The following NDUFS4 variants were observed in gnomAD, a reference collection of about 807,000 sequenced individuals.
NDUFS4 encodes NADH:ubiquinone oxidoreductase subunit S4, also known as NADH dehydrogenase [ubiquinone] iron-sulfur protein 4, mitochondrial.
NDUFS4 carries 28 observed loss-of-function variants against 24.3 expected under a neutral mutation model. The observed-to-expected ratio is 1.15, with a 90% CI of 0.85 to 1.58. NDUFS4 has a LOEUF of 1.58. NDUFS4 is among the 40% of genes most tolerant of loss of function. NDUFS4 has a pLI of 0.00. For missense variants in NDUFS4, 223 were observed against 207.9 expected (o/e 1.07, Z -0.45); for synonymous variants, 93 against 69.7 (o/e 1.34, Z -1.67).
intron 4 of NDUFS4, among the ~76,000 whole-genome samples, chr5:53,679,117 C>G (rs1740569813): frequency 6.6e-6 from 1 of 152,118 alleles, no homozygotes; most frequent in East Asian, 1.9e-4. Context: ...TGGATTCTTA[C>G]TTTAGTTTTA....
chr5:53,604,023 A>T (rs1750419298), intron 2 of NDUFS4, among the ~76,000 whole-genome samples: 1 of 152,192 alleles, frequency 6.6e-6, no homozygotes, highest in African/African-American at 2.4e-5. Flanking sequence ...CAACTAGCAA[A>T]CAACTAGCAA....
chr5:53,624,853 T>A (rs1751167830), intron 2 of NDUFS4, among the ~76,000 whole-genome samples: 1 of 152,220 alleles, frequency 6.6e-6, no homozygotes, highest in Non-Finnish European at 1.5e-5. Flanking sequence ...CTTCCAGTAC[T>A]ACATTGAATA....
intron 1 of NDUFS4, among the ~76,000 whole-genome samples, chr5:53,587,016 G>T (rs1325989431): frequency 6.6e-6 from 1 of 152,028 alleles, no homozygotes; most frequent in Non-Finnish European, 1.5e-5. Flanking sequence ...TGGAGACGGG[G>T]TTTCACCATG....
At chr5:53,576,006 TGCAGA>T (rs1449691108) in intron 1 of NDUFS4, among the ~76,000 whole-genome samples, 16 of 152,268 alleles carry the variant, frequency 1.1e-4, no homozygotes, top group African/African-American at 3.9e-4. Flanking sequence ...ATGTAAGTGA[TGCAGA>T]GGCAGGAAAA....
At chr5:53,677,966 C>T (rs1367930219) in intron 4 of NDUFS4, among the ~76,000 whole-genome samples, 2 of 152,092 alleles carry the variant, frequency 1.3e-5, no homozygotes, top group Non-Finnish European at 1.5e-5. Flanking sequence ...AATAAAAGAA[C>T]TGATGGATGT....
intron 1 of NDUFS4, among the ~76,000 whole-genome samples, chr5:53,576,570 A>G (rs1419352909): frequency 6.6e-6 from 1 of 152,214 alleles, no homozygotes; most frequent in Non-Finnish European, 1.5e-5. Flanking sequence ...TCTGATACCA[A>G]GTTTAAAAAT....
intron 1 of NDUFS4, among the ~76,000 whole-genome samples, chr5:53,576,375 G>A (rs866112705): frequency 1.3e-5 from 2 of 152,202 alleles, no homozygotes; most frequent in African/African-American, 2.4e-5. Context: ...CACCTAGCTA[G>A]TCTCAGGGAC....
chr5:53,620,247 A>G (rs1027700086), intron 2 of NDUFS4, among the ~76,000 whole-genome samples: 1 of 152,198 alleles, frequency 6.6e-6, no homozygotes, highest in African/African-American at 2.4e-5. Flanking sequence ...TTTAATATAC[A>G]TGGCCTAGTT....
At chr5:53,590,754 T>C (rs999278646) in intron 1 of NDUFS4, among the ~76,000 whole-genome samples, 1 of 152,246 alleles carries the variant, frequency 6.6e-6, no homozygotes, top group Non-Finnish European at 1.5e-5. Flanking sequence ...CAAGGCATGC[T>C]CTTTTTAAAA....
chr5:53,568,197 C>T (rs1749099845), intron 1 of NDUFS4, among the ~76,000 whole-genome samples: 1 of 152,104 alleles, frequency 6.6e-6, no homozygotes, highest in Non-Finnish European at 1.5e-5. Flanking sequence ...ACTCACTAGA[C>T]TTAATTTTTC....
Position 53,670,453 on chromosome 5 carries a change from A to G in NDUFS4, c.424+11829A>G, listed in dbSNP as rs1408891181. ...TAGTATGAAAAAAAAAAGTATCTCA[A>G]TTTTTATTACATGAAGTGATAACCT... On this transcript the variant is annotated intron_variant, in intron 4 of 4. Transcript: ENST00000296684. Among the ~76,000 whole-genome samples, 8 of 152,044 alleles carry G rather than the reference A, an allele frequency of 5.3e-5. No individual in the cohort carries two copies. The East Asian group carries it at 1.5e-3, about 29-fold the overall frequency.
chr5:53,591,674 G>A (rs900776772), intron 1 of NDUFS4, among the ~76,000 whole-genome samples: 1 of 152,076 alleles, frequency 6.6e-6, no homozygotes, highest in African/African-American at 2.4e-5. Context: ...CAAATTGGCT[G>A]TACCATTTCG....
chr5:53,678,874 C>G (rs934083983), intron 4 of NDUFS4, among the ~76,000 whole-genome samples: 4 of 152,042 alleles, frequency 2.6e-5, no homozygotes, highest in Non-Finnish European at 5.9e-5. Flanking sequence ...AGAGTTTTAT[C>G]TTTTTAGCTC....
intron 1 of NDUFS4, among the ~76,000 whole-genome samples, chr5:53,600,970 A>G (rs144599783): frequency 0.01 from 1,533 of 151,370 alleles, 21 homozygotes; most frequent in African/African-American, 0.035. Flanking sequence ...ACAGCTTGAT[A>G]TAAATTTTTA....
At chr5:53,682,234 A>G (rs1191541508) in intron 4 of NDUFS4, among the ~76,000 whole-genome samples, 2 of 152,174 alleles carry the variant, frequency 1.3e-5, no homozygotes, top group Non-Finnish European at 2.9e-5. Context: ...ATGTTTTAGG[A>G]GAACTAAAGA....
In NDUFS4 at chr5:53,673,594, T is replaced by C. The variant is rs936270405; in HGVS notation, c.425-9524T>C. On this transcript the variant is annotated intron_variant, in intron 4 of 4. Transcript: ENST00000296684. ...CTCTTACAATGATAAGACATTCTCT[T>C]TCTCTTTCTGGCACAATCAGTCACT... Among the ~76,000 whole-genome samples, 4 of 152,176 alleles carry C rather than the reference T, an allele frequency of 2.6e-5. No individual in the cohort carries two copies. In the East Asian group the frequency reaches 7.7e-4, roughly 29 times the overall value.
chr5:53,591,880 G>C (rs939116782), intron 1 of NDUFS4, among the ~76,000 whole-genome samples: 3 of 152,062 alleles, frequency 2.0e-5, no homozygotes, highest in African/African-American at 7.2e-5. Flanking sequence ...TGAGGTGTCT[G>C]TTTAGATCTT....
intron 2 of NDUFS4, among the ~76,000 whole-genome samples, chr5:53,622,152 C>G (rs1356701411): frequency 6.6e-6 from 1 of 151,962 alleles, no homozygotes; most frequent in Non-Finnish European, 1.5e-5. Flanking sequence ...TATCCTTTTC[C>G]TTTAGCCTAA....
intron 4 of NDUFS4, among the ~76,000 whole-genome samples, chr5:53,672,214 T>A (rs2111577094): frequency 6.6e-6 from 1 of 151,858 alleles, no homozygotes; most frequent in African/African-American, 2.4e-5. Context: ...CACATCCATA[T>A]ATCTTTTAAA....
Sources: allele counts gnomAD v4.1 joint callset (sites outside exome capture counted in the v4.1 genomes callset), GRCh38; gene constraint gnomAD v4.1.1; transcripts MANE v1.5; gene names NCBI Gene and HGNC (gene_info 2026-07-23, HGNC 2026-07-21).